Variants in NPAS3 observed in about 807,000 individuals in gnomAD.
NPAS3 encodes the protein neuronal PAS domain-containing protein 3.
Under a neutral mutation model 73.1 loss-of-function variants are expected in NPAS3, and 14 were observed. The observed-to-expected ratio is 0.19, with a 90% CI of 0.13 to 0.30. The LOEUF (loss-of-function observed/expected upper bound fraction) is 0.30. NPAS3 is among the 10% of genes least tolerant of loss of function. The pLI is 1.00. For synonymous variants in NPAS3, 620 were observed against 541.5 expected (o/e 1.14, Z -2.01); for missense variants, 1,096 against 1,250.0 (o/e 0.88, Z 1.86).
chr14:33,686,459 A>T (rs757597726), intron 6 of NPAS3, among the ~76,000 whole-genome samples: 3 of 152,222 alleles, frequency 2.0e-5, no homozygotes, highest in Admixed American at 6.5e-5. Context: ...CTTGAGGATC[A>T]TATTTTATGA....
chr14:32,960,399 G>A (rs1344238649), intron 1 of NPAS3, among the ~76,000 whole-genome samples: 1 of 152,122 alleles, frequency 6.6e-6, no homozygotes, highest in African/African-American at 2.4e-5. Context: ...TATAAAAAGA[G>A]TCATTTTTGA....
chr14:33,166,379 A>G (rs2045149477), intron 2 of NPAS3, among the ~76,000 whole-genome samples: 1 of 152,152 alleles, frequency 6.6e-6, no homozygotes, highest in Admixed American at 6.5e-5. Flanking sequence ...TTCCATAAAC[A>G]TAAGTATCTC....
intron 4 of NPAS3, among the ~76,000 whole-genome samples, chr14:33,494,129 T>C (rs1214881821): frequency 6.6e-6 from 1 of 152,134 alleles, no homozygotes; most frequent in Non-Finnish European, 1.5e-5. Context: ...CAAATTATAT[T>C]GTGTCAGCTG....
At chr14:33,145,628 A>G (rs2044211568) in intron 2 of NPAS3, among the ~76,000 whole-genome samples, 1 of 152,144 alleles carries the variant, frequency 6.6e-6, no homozygotes, top group Non-Finnish European at 1.5e-5. Flanking sequence ...GAAGAACAGC[A>G]CAGTGTTGTT....
intron 1 of NPAS3, among the ~76,000 whole-genome samples, chr14:33,022,460 C>T (rs370827672): frequency 3.9e-5 from 6 of 152,034 alleles, no homozygotes; most frequent in African/African-American, 1.4e-4. Context: ...GTCAGGAGAT[C>T]GAGACCATCC....
intron 2 of NPAS3, among the ~76,000 whole-genome samples, chr14:33,174,540 C>T (rs1260202718): frequency 6.6e-6 from 1 of 152,192 alleles, no homozygotes; most frequent in Non-Finnish European, 1.5e-5. Context: ...TGTTGTGCCT[C>T]ATTTTAACAT....
At chr14:33,495,294 A>G (rs1359532554) in intron 4 of NPAS3, among the ~76,000 whole-genome samples, 1 of 152,076 alleles carries the variant, frequency 6.6e-6, no homozygotes, top group Admixed American at 6.6e-5. Flanking sequence ...GTTTTGAATG[A>G]GTTTCTTAAT....
At chr14:33,766,941 T>C (rs946625246) in intron 7 of NPAS3, among the ~76,000 whole-genome samples, 6 of 152,212 alleles carry the variant, frequency 3.9e-5, no homozygotes, top group Non-Finnish European at 8.8e-5. Flanking sequence ...AGCCTATAGT[T>C]TTAGTTGTAA....
At chr14:33,700,820 CT>C (rs2060504837) in intron 6 of NPAS3, among the ~76,000 whole-genome samples, 1 of 152,214 alleles carries the variant, frequency 6.6e-6, no homozygotes, top group South Asian at 2.1e-4. Context: ...TAAATTTGAA[CT>C]TCCCTGCAAT....
intron 3 of NPAS3, among the ~76,000 whole-genome samples, chr14:33,236,549 G>T (rs369105303): frequency 6.6e-6 from 1 of 152,012 alleles, no homozygotes; most frequent in Non-Finnish European, 1.5e-5. Flanking sequence ...TGAGAGCATC[G>T]AATATCAGGT....
intron 2 of NPAS3, among the ~76,000 whole-genome samples, chr14:33,057,959 CG>C (rs886135032): frequency 6.6e-6 from 1 of 151,934 alleles, no homozygotes; most frequent in Non-Finnish European, 1.5e-5. Flanking sequence ...GAGAAAAGGC[CG>C]GGTATTCCGA....
intron 3 of NPAS3, among the ~76,000 whole-genome samples, chr14:33,231,763 T>A (rs1207548633): frequency 6.6e-6 from 1 of 152,158 alleles, no homozygotes; most frequent in Non-Finnish European, 1.5e-5. Flanking sequence ...GCAAAAGATA[T>A]CTAAGTAAGG....
At chr14:33,629,691 G>A (rs1215832615) in intron 5 of NPAS3, among the ~76,000 whole-genome samples, 1 of 151,560 alleles carries the variant, frequency 6.6e-6, no homozygotes, top group South Asian at 2.1e-4. Context: ...CAAATTTAAG[G>A]GACAGCATTT....
At chr14:33,152,439 A>T (rs1023610219) in intron 2 of NPAS3, among the ~76,000 whole-genome samples, 1 of 152,132 alleles carries the variant, frequency 6.6e-6, no homozygotes, top group Non-Finnish European at 1.5e-5. Flanking sequence ...CCTCTGTAGG[A>T]TGACTCAGAT....
At chr14:33,339,344 T>A (rs1435913522) in intron 3 of NPAS3, among the ~76,000 whole-genome samples, 1 of 151,762 alleles carries the variant, frequency 6.6e-6, no homozygotes, top group African/African-American at 2.4e-5. Context: ...TTCCTGGGGG[T>A]GGGGAAGCAG....
intron 2 of NPAS3, among the ~76,000 whole-genome samples, chr14:33,061,173 G>A (rs1959178): frequency 3.5e-4 from 54 of 152,184 alleles, no homozygotes; most frequent in African/African-American, 1.2e-3. Context: ...GCTGGGGGGA[G>A]GATGGTCACC....
At chr14:33,077,758 A>G (rs1010784725) in intron 2 of NPAS3, among the ~76,000 whole-genome samples, 4 of 125,618 alleles carry the variant, frequency 3.2e-5, no homozygotes, top group Non-Finnish European at 6.9e-5. Flanking sequence ...GCTTTGCTCA[A>G]AACATTGCAG....
chr14:33,001,175 TAGG>T (rs1335750729), intron 1 of NPAS3, among the ~76,000 whole-genome samples: 1 of 152,238 alleles, frequency 6.6e-6, no homozygotes, highest in African/African-American at 2.4e-5. Context: ...TTCTAGGTTC[TAGG>T]AGTCTTCCTG....
chr14:33,764,994 G>T (rs1044298971), intron 7 of NPAS3, among the ~76,000 whole-genome samples: 1 of 152,166 alleles, frequency 6.6e-6, no homozygotes, highest in Non-Finnish European at 1.5e-5. Flanking sequence ...TCTCATTAAG[G>T]AGATCTCTCC....
Sources: gnomAD v4.1 joint callset for allele counts (sites outside exome capture counted in the v4.1 genomes callset) on GRCh38, gnomAD v4.1.1 for gene constraint, MANE v1.5 for transcripts, NCBI Gene and HGNC (gene_info 2026-07-23, HGNC 2026-07-21) for gene names.